The following DBF4 variants were observed in gnomAD, a reference collection of about 807,000 sequenced individuals.
DBF4 encodes the protein protein DBF4 homolog A.
In DBF4, 25 loss-of-function variants were observed where a neutral mutation model predicts 76.6. The ratio of observed to expected loss-of-function variants is 0.33; its 90% CI spans 0.24 to 0.46. The LOEUF is 0.46. Ranked by LOEUF, DBF4 falls within the 20% of genes least tolerant of loss-of-function variation. The pLI is 1.00. For missense variants in DBF4, 638 were observed against 760.8 expected (o/e 0.84, Z 1.90); for synonymous variants, 213 against 258.0 (o/e 0.83, Z 1.67).
chr7:87,892,626 G>C (rs1839522731), intron 6 of DBF4, among the ~76,000 whole-genome samples: 2 of 152,156 alleles, frequency 1.3e-5, no homozygotes, highest in Non-Finnish European at 2.9e-5. Flanking sequence ...GCTTCACATA[G>C]TAAGACTAGG....
In DBF4 at chr7:87,878,036, C is replaced by G. The variant is rs533461050; in HGVS notation, c.47-17C>G. The G allele has an allele frequency of 3.2e-6, 5 of 1,558,692 alleles. No homozygotes were observed. Among genetic ancestry groups the G allele is most frequent in the Non-Finnish European group, 4.3e-6 (5 of 1,152,146 alleles). On this transcript the variant is annotated splice_polypyrimidine_tract_variant and intron_variant, in intron 1 of 11. Transcript: ENST00000265728. ...AAGTGTCTGTGTAAAACATCTGATTCTAAACATCTTTAATAGGTGGAATCC... is the reference window on the plus strand; with the variant it reads ...AAGTGTCTGTGTAAAACATCTGATTGTAAACATCTTTAATAGGTGGAATCC...
chr7:87,881,587 G>A (rs1028075902), intron 2 of DBF4, among the ~76,000 whole-genome samples: 2 of 152,116 alleles, frequency 1.3e-5, no homozygotes, highest in Admixed American at 6.6e-5. Context: ...ACTGGAACAC[G>A]GCTTTGAAGA....
chr7:87,892,190 C>T (rs1839509012), intron 6 of DBF4, among the ~76,000 whole-genome samples: 1 of 152,136 alleles, frequency 6.6e-6, no homozygotes, highest in Non-Finnish European at 1.5e-5. Context: ...GACGTGTGTC[C>T]ATCATTATAG....
rs115675903 is a variant in DBF4 at position 87,886,771 on chromosome 7, C to T, written c.400-73C>T. On this transcript the variant is annotated intron_variant, in intron 3 of 11. Coordinates refer to ENST00000265728, the MANE Select transcript of DBF4 (RefSeq NM_006716.4). ...ATATGAGACCCAAAAGTTCTCTTTT[C>T]TTAGCTGCTTTACCTTTTTAACCTG... 1,623 of 938,716 alleles carry T rather than the reference C, an allele frequency of 1.7e-3. 17 individuals carry two copies. The African/African-American group carries it at 0.023, about 14-fold the overall frequency. 58.1% of individuals were successfully genotyped at this position (938,716 alleles called of 1,614,324 possible). A position where few individuals can be genotyped will look rare whatever the true frequency, so the allele number is the denominator to read the frequency against.
Position 87,888,704 on chromosome 7 carries a change from T to C in DBF4, c.597+645T>C, listed in dbSNP as rs998921947. 5.3e-5 allele frequency among the ~76,000 whole-genome samples: 8 copies of C among 152,358 alleles called. No individual in the cohort carries two copies. In the South Asian group the frequency reaches 1.2e-3, roughly 24 times the overall value. Reference sequence around the variant, plus strand: ...TCATCCAAAGTTCTCAGATCTCTACTTTTATACTTCCCATTCACTTTTCAA... The same window carrying C: ...TCATCCAAAGTTCTCAGATCTCTACCTTTATACTTCCCATTCACTTTTCAA... On this transcript the variant is annotated intron_variant, in intron 6 of 11. Transcript: ENST00000265728.
intron 6 of DBF4, among the ~76,000 whole-genome samples, chr7:87,893,792 G>A (rs2131060612): frequency 6.6e-6 from 1 of 152,244 alleles, no homozygotes. Flanking sequence ...TAGTTTAAGT[G>A]ATTTATACTT....
intron 3 of DBF4, among the ~76,000 whole-genome samples, chr7:87,886,091 A>G (rs1229880743): frequency 2.6e-5 from 4 of 152,234 alleles, no homozygotes; most frequent in Admixed American, 2.0e-4. Flanking sequence ...GATACAATAC[A>G]TAGAAGAAAG....
At chr7:87,879,228 C>G (rs1163307932) in intron 2 of DBF4, among the ~76,000 whole-genome samples, 1 of 152,168 alleles carries the variant, frequency 6.6e-6, no homozygotes, top group East Asian at 1.9e-4. Flanking sequence ...GGATTGCAAG[C>G]ATGAGCCCTC....
intron 2 of DBF4, among the ~76,000 whole-genome samples, chr7:87,879,012 A>T (rs1179940863): frequency 1.3e-5 from 2 of 152,130 alleles, no homozygotes; most frequent in African/African-American, 4.8e-5. Context: ...GTGCGATCTC[A>T]GCTCACTGCA....
At chr7:87,882,832 G>A (rs1839250490) in intron 2 of DBF4, among the ~76,000 whole-genome samples, 1 of 152,128 alleles carries the variant, frequency 6.6e-6, no homozygotes, top group Non-Finnish European at 1.5e-5. Flanking sequence ...TGAAGAAGTA[G>A]AACCCTTGTG....
chr7:87,890,193 A>G (rs1584360113), intron 6 of DBF4, among the ~76,000 whole-genome samples: 1 of 152,204 alleles, frequency 6.6e-6, no homozygotes. Context: ...TATTGATCAC[A>G]ACTCTGAATT....
intron 7 of DBF4, 46 bp from the exon 8 acceptor site, chr7:87,897,246 AAG>A (rs1554326937): frequency 1.9e-6 from 3 of 1,552,872 alleles, no homozygotes; most frequent in South Asian, 1.2e-5. Context: ...AAAAAAAAAA[AAG>A]AATCCTGAAT....
intron 9 of DBF4, 32 bp downstream of exon 9, chr7:87,900,381 A>G: frequency 6.4e-7 from 1 of 1,565,694 alleles, no homozygotes; most frequent in Non-Finnish European, 8.6e-7. Context: ...TAGAAGGAAT[A>G]TTCAGAATTT....
At chr7:87,892,156 A>G (rs1047191702) in intron 6 of DBF4, among the ~76,000 whole-genome samples, 4 of 152,216 alleles carry the variant, frequency 2.6e-5, no homozygotes, top group Admixed American at 6.5e-5. Context: ...TGTACATTCT[A>G]TGAGTTTTGA....
intron 11 of DBF4, among the ~76,000 whole-genome samples, chr7:87,906,295 T>A (rs1353747097): frequency 1.3e-5 from 2 of 152,036 alleles, no homozygotes; most frequent in East Asian, 3.8e-4. Context: ...GTCCTAAACA[T>A]CTTGGACTTA....
intron 2 of DBF4, chr7:87,878,433 A>G: frequency 4.2e-6 from 2 of 471,652 alleles, no homozygotes; most frequent in East Asian, 3.5e-5. Flanking sequence ...TTAGCAGTCT[A>G]GTGTAAAGTT....
At chr7:87,897,480 T>G (rs542445062) in intron 8 of DBF4, 141 bp downstream of exon 8, 1 of 651,696 alleles carries the variant, frequency 1.5e-6, no homozygotes, top group South Asian at 2.8e-5. Flanking sequence ...GCGGCACAAG[T>G]TAACGAAAGT....
intron 6 of DBF4, among the ~76,000 whole-genome samples, chr7:87,892,063 A>C (rs1562761265): frequency 6.6e-6 from 1 of 152,220 alleles, no homozygotes; most frequent in Admixed American, 6.5e-5. Context: ...AGAGTGGTAC[A>C]TTTGTTATAA....
In DBF4 at chr7:87,907,937, C is replaced by T; in HGVS notation, c.1799C>T (p.Thr600Ile). The change falls in exon 12 of 12, where the codon ACT (threonine) becomes ATT (isoleucine). Residue 600 changes from threonine (T) to isoleucine (I), a missense_variant. Thr to Ile is a moderately conservative substitution (Grantham distance 89). Coordinates refer to ENST00000265728, the MANE Select transcript of DBF4 (RefSeq NM_006716.4). Reference protein sequence around the residue: ...LEPNAEFDKRTEFITQEENRI... With the variant: ...LEPNAEFDKRIEFITQEENRI... ...CCAAATGCTGAATTTGATAAAAGAA[C>T]TGAATTTATTACACAAGAAGAAAAC... 6.2e-7 allele frequency: 1 copy of T among 1,612,604 alleles called. No individual in the cohort carries two copies. Among genetic ancestry groups the T allele is most frequent in the Non-Finnish European group, 8.5e-7 (1 of 1,179,592 alleles).
Sources: gnomAD v4.1 joint callset for allele counts (sites outside exome capture counted in the v4.1 genomes callset) on GRCh38, gnomAD v4.1.1 for gene constraint, MANE v1.5 for transcripts, NCBI Gene and HGNC (gene_info 2026-07-23, HGNC 2026-07-21) for gene names.